RFX4: variants seen among roughly 807,000 people sequenced by gnomAD.
The protein encoded by RFX4 is transcription factor RFX4.
Under a neutral mutation model 95.0 loss-of-function variants are expected in RFX4, and 10 were observed. That is an observed-to-expected ratio of 0.11 (90% CI 0.06 to 0.18). The LOEUF (loss-of-function observed/expected upper bound fraction) is 0.18, where lower values mean the gene tolerates loss of function less well. Among genes scored for constraint, RFX4 ranks in the 10% least tolerant of loss-of-function variants. The pLI is 1.00. For synonymous variants in RFX4, 321 were observed against 340.7 expected (o/e 0.94, Z 0.64); for missense variants, 640 against 922.0 (o/e 0.69, Z 3.96).
intron 4 of RFX4, 141 bp downstream of exon 4, chr12:106,654,492 C>T (rs1221992683): frequency 1.1e-6 from 1 of 919,756 alleles, no homozygotes; most frequent in Non-Finnish European, 1.5e-6. Flanking sequence ...TTCAACTTCA[C>T]TGTAATACTT....
intron 11 of RFX4, among the ~76,000 whole-genome samples, chr12:106,718,990 C>T (rs60850397): frequency 0.012 from 1,746 of 150,838 alleles, 16 homozygotes; most frequent in Middle Eastern, 0.048. Context: ...GGTGTGGTGG[C>T]GGGCACCTGT....
intron 1 of RFX4, among the ~76,000 whole-genome samples, chr12:106,594,923 G>C (rs2039597176): frequency 6.6e-6 from 1 of 152,172 alleles, no homozygotes; most frequent in Admixed American, 6.5e-5. Context: ...AAGGGAGGAT[G>C]GGAGGCAAGG....
At chr12:106,617,168 T>C (rs2040088649) in intron 2 of RFX4, among the ~76,000 whole-genome samples, 1 of 152,220 alleles carries the variant, frequency 6.6e-6, no homozygotes, top group South Asian at 2.1e-4. Context: ...CCAGGGTTTA[T>C]CAATTTTATT....
chr12:106,595,473 A>G (rs750351337), intron 1 of RFX4, among the ~76,000 whole-genome samples: 2 of 152,224 alleles, frequency 1.3e-5, no homozygotes, highest in Non-Finnish European at 2.9e-5. Context: ...TGACTCTAGC[A>G]GCAGGCTGCT....
In RFX4 at chr12:106,762,092, G is replaced by A. The variant is rs1317110692; in HGVS notation, c.*623G>A. The A allele has an allele frequency of 1.3e-5, 2 of 152,596 alleles. No homozygotes were observed. The highest frequency in any genetic ancestry group is 4.8e-5 in the African/African-American group (2 of 41,438). 9.5% of individuals were successfully genotyped at this position (152,596 alleles called of 1,614,324 possible). A position where few individuals can be genotyped will look rare whatever the true frequency, so the allele number is the denominator to read the frequency against. On this transcript the variant is annotated 3_prime_UTR_variant, in exon 18 of 18. Transcript: ENST00000392842. ...TCTGTCACAGTACCTGCATTGTCTT[G>A]GAATGTAAGCACTGTCTTGAGGGAA...
rs903125159 is a variant in RFX4, at chr12:106,761,627, T to C, written c.*158T>C. 31 of 406,052 alleles carry C rather than the reference T, an allele frequency of 7.6e-5. No individual in the cohort carries two copies. Among genetic ancestry groups the C allele is most frequent in the Non-Finnish European group, 1.1e-4 (29 of 269,338 alleles). The allele number at this position is 406,052 out of a possible 1,614,324, so 25.2% of individuals were successfully genotyped here. ...CTAATGAACATGAGGATGGGATCAATGTGGGATGAATAAACTTTAGTTCAG... is the reference window on the plus strand; with the variant it reads ...CTAATGAACATGAGGATGGGATCAACGTGGGATGAATAAACTTTAGTTCAG... On this transcript the variant is annotated 3_prime_UTR_variant, in exon 18 of 18. Coordinates refer to ENST00000392842, the MANE Select transcript of RFX4 (RefSeq NM_213594.3).
At chr12:106,711,236 C>T (rs1264860014) in intron 9 of RFX4, among the ~76,000 whole-genome samples, 1 of 152,136 alleles carries the variant, frequency 6.6e-6, no homozygotes, top group African/African-American at 2.4e-5. Context: ...GAAATATGTA[C>T]CCCAAATGTC....
chr12:106,758,834 C>T (rs2043157093), intron 17 of RFX4, among the ~76,000 whole-genome samples: 1 of 152,228 alleles, frequency 6.6e-6, no homozygotes. Context: ...GCCAGCTCTT[C>T]CACTAGCTTG....
At chr12:106,593,639 C>T (rs968776493) in intron 1 of RFX4, among the ~76,000 whole-genome samples, 1 of 152,150 alleles carries the variant, frequency 6.6e-6, no homozygotes, top group African/African-American at 2.4e-5. Flanking sequence ...TCGCAAGTTA[C>T]ATTACACTTT....
chr12:106,608,829 G>A lies in RFX4; in HGVS notation c.76G>A (p.Glu26Lys), dbSNP rs1466498808. 1 of 1,605,842 alleles carries A rather than the reference G, an allele frequency of 6.2e-7. No homozygotes were observed. The highest frequency in any genetic ancestry group is 8.5e-7 in the Non-Finnish European group (1 of 1,177,698). The change falls in exon 2 of 18, where the codon GAA becomes AAA. Residue 26 changes from glutamate to lysine, a missense_variant. Physicochemically the swap from Glu to Lys is moderately conservative, Grantham distance 56. Coordinates refer to ENST00000392842, the MANE Select transcript of RFX4 (RefSeq NM_213594.3). ...GATTGAAAGATGTCTCAACGAAAGT[G>A]AAAACAAACGTTATTCCAGCCACAC... is the stretch of plus-strand genomic sequence containing the variant. The part of the protein sequence containing the change: ...SWIERCLNES[E>K]NKRYSSHTSL...
intron 5 of RFX4, chr12:106,683,466 GAAAAAAA>G (rs149587196): frequency 1.6e-4 from 8 of 50,814 alleles, no homozygotes; most frequent in South Asian, 1.0e-3. Context: ...TGACTATTCT[GAAAAAAA>G]AAAAAAAAAA....
chr12:106,691,423 C>T (rs528583970), intron 7 of RFX4, among the ~76,000 whole-genome samples: 2 of 152,358 alleles, frequency 1.3e-5, no homozygotes, highest in East Asian at 3.9e-4. Context: ...ACCCCACTGG[C>T]AGGAATATTT....
At chr12:106,696,528 T>G (rs1592951056) in intron 8 of RFX4, 82 bp downstream of exon 8, 4 of 1,516,556 alleles carry the variant, frequency 2.6e-6, no homozygotes. Flanking sequence ...ATTATAATCA[T>G]GCACTGTCCA....
chr12:106,591,057 G>A (rs753567581), intron 1 of RFX4, among the ~76,000 whole-genome samples: 16 of 152,126 alleles, frequency 1.1e-4, no homozygotes, highest in Non-Finnish European at 1.8e-4. Context: ...GGATTTGAGC[G>A]GAGGGCCCAC....
chr12:106,677,951 T>G (rs192248919), intron 4 of RFX4, among the ~76,000 whole-genome samples: 17 of 152,278 alleles, frequency 1.1e-4, no homozygotes, highest in African/African-American at 3.8e-4. Context: ...CTGTTCTGTC[T>G]TAGGTAACTC....
At chr12:106,635,419 T>C (rs545155029) in intron 2 of RFX4, among the ~76,000 whole-genome samples, 13 of 152,232 alleles carry the variant, frequency 8.5e-5, no homozygotes, top group African/African-American at 2.9e-4. Flanking sequence ...CTCAAGAGAC[T>C]CTTGTGCCTT....
rs190893400 is a variant in RFX4 at position 106,642,161 on chromosome 12, C to A, written c.191+2769C>A. 1.4e-3 allele frequency among the ~76,000 whole-genome samples: 220 copies of A among 152,118 alleles called. 1 individual carries two copies. The highest frequency in any genetic ancestry group is 5.2e-3 in the African/African-American group (216 of 41,498). ...GAGTAGCTGGGATTACAGGCATGCA[C>A]CACCATACCCGGCTAATATTTTATT... On this transcript the variant is annotated intron_variant, in intron 3 of 17. Transcript: ENST00000392842.
intron 1 of RFX4, among the ~76,000 whole-genome samples, chr12:106,594,640 G>A (rs904429923): frequency 1.3e-5 from 2 of 152,172 alleles, no homozygotes; most frequent in Non-Finnish European, 2.9e-5. Flanking sequence ...CGCCCCGCAT[G>A]TACTGGGCAG....
chr12:106,638,755 A>T (rs1227570532), intron 2 of RFX4, among the ~76,000 whole-genome samples: 1 of 152,160 alleles, frequency 6.6e-6, no homozygotes, highest in Non-Finnish European at 1.5e-5. Flanking sequence ...TGGTTCATAG[A>T]TGGCTATCTT....
Sources: gnomAD v4.1 joint callset for allele counts (sites outside exome capture counted in the v4.1 genomes callset) on GRCh38, gnomAD v4.1.1 for gene constraint, MANE v1.5 for transcripts, NCBI Gene and HGNC (gene_info 2026-07-23, HGNC 2026-07-21) for gene names.